The following SEMA3E variants were observed in gnomAD, a reference collection of about 807,000 sequenced individuals.
SEMA3E encodes semaphorin-3E.
A neutral mutation model predicts 93.6 loss-of-function variants in SEMA3E; 49 were observed. The ratio of observed to expected loss-of-function variants is 0.52; its 90% CI spans 0.42 to 0.66. The LOEUF (loss-of-function observed/expected upper bound fraction) is 0.66, where lower values mean the gene tolerates loss of function less well. Ranked by LOEUF, SEMA3E falls within the 30% of genes least tolerant of loss-of-function variation. SEMA3E has a pLI of 0.00. For synonymous variants in SEMA3E, 363 were observed against 330.7 expected, an observed-to-expected ratio of 1.10 and a Z score of -1.06; for missense variants, 906 against 964.8, an observed-to-expected ratio of 0.94 and a Z score of 0.81.
At chr7:83,369,560 G>A (rs1794723459) in intron 16 of SEMA3E, among the ~76,000 whole-genome samples, 1 of 152,144 alleles carries the variant, frequency 6.6e-6, no homozygotes, top group Admixed American at 6.6e-5. Context: ...GTCTCCATAA[G>A]TCTTTTGCAG....
intron 5 of SEMA3E, among the ~76,000 whole-genome samples, chr7:83,411,806 T>C (rs1788443560): frequency 6.6e-6 from 1 of 152,122 alleles, no homozygotes; most frequent in Non-Finnish European, 1.5e-5. Context: ...AGGAAAACAT[T>C]TTATAAAAAG....
At chr7:83,466,400 G>T in intron 4 of SEMA3E, 82 bp downstream of exon 4, 1 of 1,490,736 alleles carries the variant, frequency 6.7e-7, no homozygotes, top group South Asian at 1.1e-5. Context: ...TCTTTCTTGG[G>T]AAGAAATGCT....
Position 83,367,846 on chromosome 7 carries a change from T to G in SEMA3E, c.2068A>C (p.Arg690=). The G allele has an allele frequency of 6.2e-7, 1 of 1,613,520 alleles. No homozygotes were observed. The highest frequency in any genetic ancestry group is 8.5e-7 in the Non-Finnish European group (1 of 1,179,570). Residue 690 remains arginine (R), a synonymous_variant, in exon 17 of 17, where the codon AGG becomes CGG. Transcript: ENST00000643230. The part of the protein sequence containing the change: ...DMFNKDDEED[R]HHRMPCPAQS... ...GCAGGACAAGGCATCCTGTGATGCCTGTCCTCCTCATCGTCCTTGTTAAAC... is the reference window on the plus strand; with the variant it reads ...GCAGGACAAGGCATCCTGTGATGCCGGTCCTCCTCATCGTCCTTGTTAAAC...
chr7:83,461,715 C>T (rs912481582), intron 4 of SEMA3E, among the ~76,000 whole-genome samples: 12 of 152,092 alleles, frequency 7.9e-5, no homozygotes, highest in East Asian at 1.9e-4. Context: ...AATCTGCTCC[C>T]GACATTAAAT....
chr7:83,373,710 C>T (rs756911572), intron 16 of SEMA3E, among the ~76,000 whole-genome samples: 1 of 151,796 alleles, frequency 6.6e-6, no homozygotes, highest in African/African-American at 2.4e-5. Flanking sequence ...AAAACATACA[C>T]GATATCAAAG....
chr7:83,508,856 A>G (rs1273598117), intron 1 of SEMA3E, among the ~76,000 whole-genome samples: 1 of 152,202 alleles, frequency 6.6e-6, no homozygotes, highest in Non-Finnish European at 1.5e-5. Context: ...ACCCTACTAT[A>G]TGACCAAAAA....
chr7:83,553,180 CTCTT>C (rs1431686830), intron 1 of SEMA3E, among the ~76,000 whole-genome samples: 1 of 152,194 alleles, frequency 6.6e-6, no homozygotes, highest in East Asian at 1.9e-4. Context: ...TATACTGTCT[CTCTT>C]TATTTCTCGG....
intron 1 of SEMA3E, among the ~76,000 whole-genome samples, chr7:83,585,576 A>C (rs1422882762): frequency 6.6e-6 from 1 of 152,212 alleles, no homozygotes; most frequent in Non-Finnish European, 1.5e-5. Context: ...GACACCATAG[A>C]CTGCTAAATG....
chr7:83,368,749 C>T (rs1313543705), intron 16 of SEMA3E, among the ~76,000 whole-genome samples: 1 of 152,102 alleles, frequency 6.6e-6, no homozygotes, highest in Admixed American at 6.5e-5. Flanking sequence ...TGATATAATA[C>T]TCACATTATT....
intron 2 of SEMA3E, among the ~76,000 whole-genome samples, chr7:83,472,401 C>A (rs939128567): frequency 7.6e-5 from 11 of 144,788 alleles, no homozygotes; most frequent in Admixed American, 6.5e-4. Flanking sequence ...TGGGTGGAAA[C>A]AAAGGAATAT....
intron 3 of SEMA3E, among the ~76,000 whole-genome samples, chr7:83,467,203 T>A (rs1789786763): frequency 6.6e-6 from 1 of 151,952 alleles, no homozygotes; most frequent in Admixed American, 6.6e-5. Flanking sequence ...TAGCTGCAAC[T>A]ACAGGCATGT....
At chr7:83,507,599 A>G (rs768519035) in intron 1 of SEMA3E, among the ~76,000 whole-genome samples, 1 of 151,904 alleles carries the variant, frequency 6.6e-6, no homozygotes, top group African/African-American at 2.4e-5. Flanking sequence ...TTACTTCAAC[A>G]ATAATTCTTT....
At chr7:83,598,523 G>C (rs1320564318) in intron 1 of SEMA3E, among the ~76,000 whole-genome samples, 3 of 152,140 alleles carry the variant, frequency 2.0e-5, no homozygotes, top group Non-Finnish European at 4.4e-5. Flanking sequence ...TGCCCATATA[G>C]ATAACTAAGT....
rs1433558347 is a variant in SEMA3E, at chr7:83,544,814, T to TCATAAA, written c.116-54541_116-54540insTTTATG. On this transcript the variant is annotated intron_variant, in intron 1 of 16. Coordinates refer to ENST00000643230, the MANE Select transcript of SEMA3E (RefSeq NM_012431.3). Reference sequence around the variant, plus strand: ...TCATATTGTTTCCATCTCATCTAGGTGGGACCCTTTATGCCACTGCTTCAT... The same window carrying TCATAAA: ...TCATATTGTTTCCATCTCATCTAGGTCATAAAGGGACCCTTTATGCCACTGCTTCAT... 7.9e-4 allele frequency among the ~76,000 whole-genome samples: 120 copies of TCATAAA among 152,192 alleles called. 1 individual carries two copies. In the East Asian group the frequency reaches 0.021, roughly 27 times the overall value.
intron 1 of SEMA3E, among the ~76,000 whole-genome samples, chr7:83,510,020 A>G (rs1266427888): frequency 6.6e-6 from 1 of 152,216 alleles, no homozygotes; most frequent in Non-Finnish European, 1.5e-5. Context: ...AGACAAGATC[A>G]AGAAGGGGAG....
intron 2 of SEMA3E, among the ~76,000 whole-genome samples, chr7:83,475,194 T>A (rs2115915603): frequency 6.6e-6 from 1 of 152,136 alleles, no homozygotes; most frequent in Admixed American, 6.5e-5. Context: ...TCTTACTCAT[T>A]TTTCATTATT....
chr7:83,519,571 C>A (rs79023343), intron 1 of SEMA3E, among the ~76,000 whole-genome samples: 2 of 152,048 alleles, frequency 1.3e-5, no homozygotes, highest in Admixed American at 6.6e-5. Context: ...CCTAGTAAAG[C>A]CTTCAAGATT....
intron 1 of SEMA3E, among the ~76,000 whole-genome samples, chr7:83,548,870 T>C (rs1388148029): frequency 6.6e-6 from 1 of 152,104 alleles, no homozygotes; most frequent in Non-Finnish European, 1.5e-5. Flanking sequence ...ACCTATCTTA[T>C]TCACAAATTC....
intron 1 of SEMA3E, among the ~76,000 whole-genome samples, chr7:83,621,824 G>A (rs1584370145): frequency 2.0e-5 from 3 of 151,726 alleles, no homozygotes; most frequent in Non-Finnish European, 4.4e-5. Flanking sequence ...TTCCTTACAC[G>A]TTATACAAAG....
Sources: allele counts gnomAD v4.1 joint callset (sites outside exome capture counted in the v4.1 genomes callset), GRCh38; gene constraint gnomAD v4.1.1; transcripts MANE v1.5; gene names NCBI Gene and HGNC (gene_info 2026-07-23, HGNC 2026-07-21).